The following GLI2 variants were observed in gnomAD, a reference collection of about 807,000 sequenced individuals.
GLI2 encodes GLI family zinc finger 2, also known as transcription activator GLI2.
In GLI2, 22 loss-of-function variants were observed where a neutral mutation model predicts 78.9. The ratio of observed to expected loss-of-function variants is 0.28; its 90% confidence interval spans 0.20 to 0.40. The LOEUF (loss-of-function observed/expected upper bound fraction) is 0.40. Ranked by LOEUF, GLI2 falls within the 10% of genes least tolerant of loss-of-function variation. The probability of loss-of-function intolerance (pLI) is 1.00; values close to 1 mark genes in which losing one functional copy is unlikely to be tolerated. For missense variants in GLI2, 2,097 were observed against 2,213.2 expected (o/e 0.95, Z 1.05); for synonymous variants, 974 against 963.7 (o/e 1.01, Z -0.20).
intron 1 of GLI2, among the ~76,000 whole-genome samples, chr2:120,753,704 C>G (rs1199811001): frequency 6.6e-6 from 1 of 151,986 alleles, no homozygotes; most frequent in Non-Finnish European, 1.5e-5. Context: ...CAAGACCATC[C>G]TGGCTAACAC....
intron 2 of GLI2, among the ~76,000 whole-genome samples, chr2:120,857,770 C>A: frequency 6.7e-6 from 1 of 149,406 alleles, no homozygotes; most frequent in South Asian, 2.2e-4. Flanking sequence ...ATCAACCCCC[C>A]CACCCCCACC....
intron 9 of GLI2, 132 bp from the exon 10 acceptor site, chr2:120,978,302 G>A: frequency 2.2e-6 from 2 of 913,792 alleles, no homozygotes; most frequent in East Asian, 2.4e-5. Context: ...GGTGTGGTCA[G>A]CAGGGTGGAT....
intron 2 of GLI2, among the ~76,000 whole-genome samples, chr2:120,832,408 G>A (rs1352301613): frequency 1.3e-5 from 2 of 152,168 alleles, no homozygotes; most frequent in African/African-American, 2.4e-5. Context: ...AGGCTGACCC[G>A]GGCAGCAGGG....
At chr2:120,816,192 C>CTTT (rs3053837) in intron 2 of GLI2, among the ~76,000 whole-genome samples, 4,522 of 134,804 alleles carry the variant, frequency 0.034, 315 homozygotes, top group African/African-American at 0.12. Context: ...CCCCAAAGAG[C>CTTT]TTTTTTTTTT....
intron 2 of GLI2, among the ~76,000 whole-genome samples, chr2:120,886,159 AGTGTGTGTGT>A (rs532891541): frequency 0.19 from 21,775 of 116,008 alleles, 2,328 homozygotes; most frequent in East Asian, 0.44. Flanking sequence ...ATTTTTCCAA[AGTGTGTGTGT>A]GTGTGTGTGT....
At chr2:120,839,662 A>G (rs995538807) in intron 2 of GLI2, among the ~76,000 whole-genome samples, 3 of 152,158 alleles carry the variant, frequency 2.0e-5, no homozygotes, top group Non-Finnish European at 2.9e-5. Context: ...TCCCAGGTTC[A>G]AGAGATTCTC....
intron 2 of GLI2, among the ~76,000 whole-genome samples, chr2:120,820,960 CCATGTGCCGACT>C (rs1450694477): frequency 6.6e-6 from 1 of 152,050 alleles, no homozygotes; most frequent in Non-Finnish European, 1.5e-5. Flanking sequence ...GAAGGGCTTG[CCATGTGCCGACT>C]CAGTAACTAG....
At chr2:120,911,028 A>G (rs1678789373) in intron 2 of GLI2, among the ~76,000 whole-genome samples, 1 of 152,174 alleles carries the variant, frequency 6.6e-6, no homozygotes, top group African/African-American at 2.4e-5. Flanking sequence ...TATTACACCA[A>G]TGCCTGGCCC....
At chr2:120,740,080 G>A (rs1043103262) in intron 1 of GLI2, among the ~76,000 whole-genome samples, 5 of 151,702 alleles carry the variant, frequency 3.3e-5, no homozygotes, top group African/African-American at 1.2e-4. Context: ...AAATTAATTT[G>A]AGGGTTTGCT....
intron 2 of GLI2, among the ~76,000 whole-genome samples, chr2:120,919,411 G>A (rs1051794624): frequency 1.3e-5 from 2 of 152,360 alleles, no homozygotes; most frequent in Non-Finnish European, 2.9e-5. Flanking sequence ...CCGACCCGAC[G>A]CAGAGCAGGC....
At chr2:120,761,157 C>T (rs951608361) in intron 1 of GLI2, among the ~76,000 whole-genome samples, 13 of 152,262 alleles carry the variant, frequency 8.5e-5, no homozygotes, top group Non-Finnish European at 1.5e-4. Flanking sequence ...TGGCTAGGGA[C>T]GAAGATTACC....
intron 2 of GLI2, among the ~76,000 whole-genome samples, chr2:120,862,802 G>A (rs761240746): frequency 6.6e-6 from 1 of 152,238 alleles, no homozygotes; most frequent in East Asian, 1.9e-4. Context: ...GGCTCAGAGC[G>A]GGGCTCCTCC....
At chr2:120,861,188 A>G (rs1298931242) in intron 2 of GLI2, among the ~76,000 whole-genome samples, 2 of 152,224 alleles carry the variant, frequency 1.3e-5, no homozygotes, top group African/African-American at 2.4e-5. Context: ...CTCTGAGGCC[A>G]TGTAGCCCAT....
chr2:120,768,523 T>A (rs1683433642), intron 1 of GLI2, among the ~76,000 whole-genome samples: 1 of 152,090 alleles, frequency 6.6e-6, no homozygotes, highest in Admixed American at 6.5e-5. Flanking sequence ...GTCTACAGAG[T>A]GACTTGTTGC....
At chr2:120,874,258 G>A (rs2104686655) in intron 2 of GLI2, among the ~76,000 whole-genome samples, 1 of 152,280 alleles carries the variant, frequency 6.6e-6, no homozygotes, top group African/African-American at 2.4e-5. Flanking sequence ...CAACTGGCTG[G>A]CCGGCCCTTT....
intron 9 of GLI2, among the ~76,000 whole-genome samples, chr2:120,975,858 T>G (rs1194892015): frequency 2.0e-5 from 3 of 152,202 alleles, no homozygotes; most frequent in African/African-American, 4.8e-5. Flanking sequence ...GCTGAGTGGT[T>G]CTGAGCAAGT....
chr2:120,991,467 G>C lies in GLI2; in HGVS notation c.*792G>C, dbSNP rs1168536757. The C allele has an allele frequency of 2.0e-5, 3 of 152,696 alleles. No homozygotes were observed. The highest frequency in any genetic ancestry group is 7.2e-5 in the African/African-American group (3 of 41,446). 9.5% of individuals were successfully genotyped at this position (152,696 alleles called of 1,614,324 possible). The stretch of plus-strand genomic sequence containing the variant: ...ACCGTGTTTACAGTGTTTGCATGTA[G>C]AATGTAGCCCTTCCTGAAAAGAAGA... On this transcript the variant is annotated 3_prime_UTR_variant, in exon 14 of 14. Coordinates refer to ENST00000361492, the MANE Select transcript of GLI2 (RefSeq NM_001374353.1).
At chr2:120,861,212 C>T (rs1037413295) in intron 2 of GLI2, among the ~76,000 whole-genome samples, 1 of 152,200 alleles carries the variant, frequency 6.6e-6, no homozygotes. Context: ...TGACGGAGTG[C>T]GAATTCCATT....
intron 2 of GLI2, among the ~76,000 whole-genome samples, chr2:120,846,158 C>T (rs766230916): frequency 1.3e-5 from 2 of 152,186 alleles, no homozygotes; most frequent in Non-Finnish European, 2.9e-5. Flanking sequence ...GGTTTCTTGC[C>T]GTGGAGTGGC....
Sources: gnomAD v4.1 joint callset for allele counts (sites outside exome capture counted in the v4.1 genomes callset) on GRCh38, gnomAD v4.1.1 for gene constraint, MANE v1.5 for transcripts, NCBI Gene and HGNC (gene_info 2026-07-23, HGNC 2026-07-21) for gene names.